MKRN2: variants seen among roughly 807,000 people sequenced by gnomAD.
MKRN2 encodes the protein E3 ubiquitin-protein ligase makorin-2.
A neutral mutation model predicts 45.4 loss-of-function variants in MKRN2; 32 were observed. The observed-to-expected ratio is 0.70, with a 90% confidence interval of 0.53 to 0.95. The LOEUF (loss-of-function observed/expected upper bound fraction) is 0.95. MKRN2 is among the 40% of genes least tolerant of loss of function. The pLI is 0.00. For missense variants in MKRN2, 526 were observed against 536.7 expected (o/e 0.98, Z 0.20); for synonymous variants, 206 against 192.4 (o/e 1.07, Z -0.59).
At chr3:12,574,766 A>C (rs896870005) in intron 4 of MKRN2, 26 bp from the exon 5 acceptor site, 1 of 1,600,698 alleles carries the variant, frequency 6.2e-7, no homozygotes, top group South Asian at 1.1e-5. Flanking sequence ...CCACAACCAA[A>C]GCCTTCCTTC....
intron 5 of MKRN2, among the ~76,000 whole-genome samples, chr3:12,575,847 G>A (rs1342424376): frequency 2.6e-5 from 4 of 152,218 alleles, no homozygotes; most frequent in Non-Finnish European, 4.4e-5. Context: ...TGTAGCATGT[G>A]CCAGAGTCCC....
chr3:12,576,511 T>C, intron 5 of MKRN2, 120 bp from the exon 6 acceptor site: 1 of 628,364 alleles, frequency 1.6e-6, no homozygotes, highest in Non-Finnish European at 2.8e-6. Flanking sequence ...TTTCATCTTT[T>C]GGAATTTCTG....
chr3:12,559,375 G>T (rs1459197492), intron 1 of MKRN2, among the ~76,000 whole-genome samples: 3 of 152,030 alleles, frequency 2.0e-5, no homozygotes, highest in African/African-American at 2.4e-5. Flanking sequence ...AATGTTCAAG[G>T]TATGATTTAT....
intron 6 of MKRN2, among the ~76,000 whole-genome samples, chr3:12,581,030 A>C (rs2058175012): frequency 6.7e-6 from 1 of 150,336 alleles, no homozygotes; most frequent in Non-Finnish European, 1.5e-5. Flanking sequence ...TCAGTTTGGG[A>C]TCCTTTATGA....
rs1457077257 is a variant in MKRN2 at position 12,574,935 on chromosome 3, C to G, written c.786C>G (p.Cys262Trp). 6.2e-7 allele frequency: 1 copy of G among 1,614,256 alleles called. No homozygotes were observed. Among genetic ancestry groups the G allele is most frequent in the Non-Finnish European group, 8.5e-7 (1 of 1,180,052 alleles). Reference protein sequence around the residue: ...SERRFGILSNCNHTYCLSCIR... With the variant: ...SERRFGILSNWNHTYCLSCIR... ...GGAGATTTGGGATTCTCTCCAATTG[C>G]AATCACACGTACTGTTTGTCCTGCA... The change falls in exon 5 of 8, where the codon TGC (cysteine) becomes TGG (tryptophan). Residue 262 changes from cysteine to tryptophan, a missense_variant. Cys to Trp is a radical substitution (Grantham distance 215). Transcript: ENST00000170447.
At chr3:12,572,768 A>G (rs1490253297) in intron 4 of MKRN2, among the ~76,000 whole-genome samples, 2 of 151,396 alleles carry the variant, frequency 1.3e-5, no homozygotes, top group African/African-American at 4.9e-5. Flanking sequence ...TATTTTTAGG[A>G]AAGATGGGGT....
At chr3:12,575,046 A>G (rs2058122976) in intron 5 of MKRN2, 40 bp downstream of exon 5, 1 of 1,570,746 alleles carries the variant, frequency 6.4e-7, no homozygotes, top group African/African-American at 1.4e-5. Flanking sequence ...GAGCTAGGAG[A>G]ATGTTTGATT....
chr3:12,577,057 T>G (rs1351797213), intron 6 of MKRN2: 1 of 165,996 alleles, frequency 6.0e-6, no homozygotes, highest in East Asian at 1.8e-4. Context: ...AGGAGCCTCT[T>G]GAGTAGCTGG....
rs776351644 is a variant in MKRN2, at chr3:12,582,292, C to T, written c.*39C>T. 1.3e-5 allele frequency: 21 copies of T among 1,608,788 alleles called. No individual in the cohort carries two copies. Among genetic ancestry groups the T allele is most frequent in the Middle Eastern group, 1.7e-4 (1 of 5,790 alleles). On this transcript the variant is annotated 3_prime_UTR_variant, in exon 8 of 8. Coordinates refer to ENST00000170447, the MANE Select transcript of MKRN2 (RefSeq NM_014160.5). ...GCCCTGCATCTTGGGCTCCATCGGC[C>T]GAAACTTTCCCAAGCCAGGGTGTGC...
chr3:12,575,625 G>A (rs2058129564), intron 5 of MKRN2, among the ~76,000 whole-genome samples: 1 of 152,166 alleles, frequency 6.6e-6, no homozygotes. Flanking sequence ...ACAGGCCTGG[G>A]GTGCGGGGGT....
At chr3:12,568,653 A>G (rs1028822216) in intron 1 of MKRN2, among the ~76,000 whole-genome samples, 1 of 152,196 alleles carries the variant, frequency 6.6e-6, no homozygotes, top group Non-Finnish European at 1.5e-5. Flanking sequence ...ATATGGGATC[A>G]TTTGTTTTTC....
chr3:12,557,103 C>G lies in MKRN2; in HGVS notation c.-48C>G. On this transcript the variant is annotated 5_prime_UTR_variant, in exon 1 of 8. Coordinates refer to ENST00000170447, the MANE Select transcript of MKRN2 (RefSeq NM_014160.5). ...GCCAGGGCCAAGGCCGAGGCGGCAG[C>G]GGCTGCGAGAGGCGGCGGCACGACG... 1 of 1,488,350 alleles carries G rather than the reference C, an allele frequency of 6.7e-7. No individual in the cohort carries two copies. The allele number at this position is 1,488,350 out of a possible 1,614,324, so 92.2% of individuals were successfully genotyped here. A position where few individuals can be genotyped will look rare whatever the true frequency, so the allele number is the denominator to read the frequency against.
chr3:12,574,929 C>T lies in MKRN2; in HGVS notation c.780C>T (p.Ser260=). The T allele has an allele frequency of 1.5e-5, 24 of 1,614,234 alleles. No individual in the cohort carries two copies. Among genetic ancestry groups the T allele is most frequent in the Non-Finnish European group, 2.0e-5 (24 of 1,180,040 alleles). Residue 260 remains serine, a synonymous_variant, in exon 5 of 8, where the codon TCC becomes TCT. Coordinates refer to ENST00000170447, the MANE Select transcript of MKRN2 (RefSeq NM_014160.5). ...SASERRFGIL[S]NCNHTYCLSC... Reference sequence around the variant, plus strand: ...CTGAGAGGAGATTTGGGATTCTCTCCAATTGCAATCACACGTACTGTTTGT... The same window carrying T: ...CTGAGAGGAGATTTGGGATTCTCTCTAATTGCAATCACACGTACTGTTTGT...
At position 12,557,272 on chromosome 3, in the gene MKRN2, G is replaced by A. The variant is rs927991606; in HGVS notation, c.26+96G>A. On this transcript the variant is annotated intron_variant, in intron 1 of 7. Transcript: ENST00000170447. Reference sequence around the variant, plus strand: ...TGTGGTCCGGGAACCTGAGGCTAGAGCGGGACTCGGAAAGTTACTCGGCTG... The same window carrying A: ...TGTGGTCCGGGAACCTGAGGCTAGAACGGGACTCGGAAAGTTACTCGGCTG... 31 of 1,462,894 alleles carry A rather than the reference G, an allele frequency of 2.1e-5. No individual in the cohort carries two copies. The Admixed American group carries it at 4.0e-4, about 19-fold the overall frequency. The allele number at this position is 1,462,894 out of a possible 1,614,324, so 90.6% of individuals were successfully genotyped here. A position where few individuals can be genotyped will look rare whatever the true frequency, so the allele number is the denominator to read the frequency against.
Position 12,581,831 on chromosome 3 carries a change from A to G in MKRN2, c.992A>G (p.Glu331Gly), listed in dbSNP as rs200099008. The G allele has an allele frequency of 1.9e-6, 3 of 1,614,000 alleles. No individual in the cohort carries two copies. The highest frequency in any genetic ancestry group is 1.7e-5 in the Admixed American group (1 of 59,994). ...AGGAAAAAAGCCTGTAAATACTTTG[A>G]GCAAGGCAAGGGGACCTGCCCATTT... ...GMGKKACKYF[E>G]QGKGTCPFGS... Residue 331 changes from glutamate (E) to glycine (G), a missense_variant, in exon 7 of 8, where the codon GAG becomes GGG. Physicochemically the swap from Glu to Gly is moderately conservative, Grantham distance 98. Transcript: ENST00000170447.
intron 2 of MKRN2, 98 bp from the exon 3 acceptor site, chr3:12,569,973 A>C: frequency 8.3e-7 from 1 of 1,202,498 alleles, no homozygotes. Flanking sequence ...TCTTCACCTC[A>C]ACAAGTGCAG....
At chr3:12,559,956 C>G (rs2058022747) in intron 1 of MKRN2, among the ~76,000 whole-genome samples, 1 of 152,130 alleles carries the variant, frequency 6.6e-6, no homozygotes, top group African/African-American at 2.4e-5. Context: ...TTGAAAGTCA[C>G]AAAACATGGG....
rs200531844 is a variant in MKRN2 at position 12,576,766 on chromosome 3, G to A, written c.968+25G>A. On this transcript the variant is annotated intron_variant, in intron 6 of 7. Coordinates refer to ENST00000170447, the MANE Select transcript of MKRN2 (RefSeq NM_014160.5). Reference sequence around the variant, plus strand: ...GGTAAGTGCTTTTGAGTTTCGACGTGCCCCTGCTGCCTGCCTGGCTCTGCT... The same window carrying A: ...GGTAAGTGCTTTTGAGTTTCGACGTACCCCTGCTGCCTGCCTGGCTCTGCT... The A allele has an allele frequency of 1.2e-5, 18 of 1,499,048 alleles. No individual in the cohort carries two copies. The East Asian group carries it at 3.4e-4, about 28-fold the overall frequency. The allele number at this position is 1,499,048 out of a possible 1,614,324, so 92.9% of individuals were successfully genotyped here.
At position 12,572,229 on chromosome 3, in the gene MKRN2, C is replaced by T. The variant is rs758465967; in HGVS notation, c.498C>T (p.Asn166=). 34 of 1,614,072 alleles carry T rather than the reference C, an allele frequency of 2.1e-5. No individual in the cohort carries two copies. Among genetic ancestry groups the T allele is most frequent in the Middle Eastern group, 1.6e-4 (1 of 6,062 alleles). The change falls in exon 4 of 8, where the codon AAC becomes AAT. Residue 166 remains asparagine, a synonymous_variant. Transcript: ENST00000170447. The part of the protein sequence containing the change: ...DDVEASSSYS[N]EQQLCPYAAA... Reference sequence around the variant, plus strand: ...TGGAGGCCAGCAGCTCCTACAGCAACGAGCAGCAGCTGTGCCCCTACGCAG... The same window carrying T: ...TGGAGGCCAGCAGCTCCTACAGCAATGAGCAGCAGCTGTGCCCCTACGCAG...
Sources: gnomAD v4.1 joint callset for allele counts (sites outside exome capture counted in the v4.1 genomes callset) on GRCh38, gnomAD v4.1.1 for gene constraint, MANE v1.5 for transcripts, NCBI Gene and HGNC (gene_info 2026-07-23, HGNC 2026-07-21) for gene names.